ACTN4: variants seen among roughly 807,000 people sequenced by gnomAD.
The protein encoded by ACTN4 is alpha-actinin-4.
A neutral mutation model predicts 114.2 loss-of-function variants in ACTN4; 18 were observed. The ratio of observed to expected loss-of-function variants is 0.16; its 90% confidence interval spans 0.11 to 0.23. The LOEUF (loss-of-function observed/expected upper bound fraction) is 0.23. ACTN4 is among the 10% of genes least tolerant of loss of function. The probability of loss-of-function intolerance (pLI) is 1.00; values close to 1 mark genes in which losing one functional copy is unlikely to be tolerated. For missense variants in ACTN4, 722 were observed against 1,262.9 expected, an observed-to-expected ratio of 0.57 and a Z score of 6.49; for synonymous variants, 515 against 506.3, an observed-to-expected ratio of 1.02 and a Z score of -0.23.
At chr19:38,649,126 G>A (rs905202403) in intron 1 of ACTN4, among the ~76,000 whole-genome samples, 5 of 145,884 alleles carry the variant, frequency 3.4e-5, no homozygotes, top group African/African-American at 1.3e-4. Flanking sequence ...AGAGACCGGA[G>A]GTAGGTGAAG....
Position 38,705,613 on chromosome 19 carries a change from C to T in ACTN4, c.485-431C>T, listed in dbSNP as rs12608529. ...GGACAGCCGAGCTATCCACGGGGAA[C>T]AGAAGGGCCCCCTAGGCCTCTCTAC... is the stretch of plus-strand genomic sequence containing the variant. On this transcript the variant is annotated intron_variant, in intron 4 of 20. Coordinates refer to ENST00000252699, the MANE Select transcript of ACTN4 (RefSeq NM_004924.6). 3.5e-3 allele frequency among the ~76,000 whole-genome samples: 532 copies of T among 152,326 alleles called. 22 individuals are homozygous for T. The East Asian group carries it at 0.095, about 27-fold the overall frequency.
intron 1 of ACTN4, among the ~76,000 whole-genome samples, chr19:38,687,740 T>C (rs1035132797): frequency 5.3e-5 from 8 of 152,224 alleles, no homozygotes; most frequent in African/African-American, 1.9e-4. Flanking sequence ...TTATTAGATA[T>C]GACAGCAGAA....
At chr19:38,718,370 A>G (rs976534099) in intron 11 of ACTN4, 2 of 471,516 alleles carry the variant, frequency 4.2e-6, no homozygotes, top group Non-Finnish European at 7.9e-6. Flanking sequence ...ATACAAAAAA[A>G]TTTTAGAATA....
At chr19:38,722,877 TG>T (rs1461563541) in intron 12 of ACTN4, among the ~76,000 whole-genome samples, 3 of 152,178 alleles carry the variant, frequency 2.0e-5, no homozygotes, top group Non-Finnish European at 4.4e-5. Context: ...AGCAGCTCTC[TG>T]GACGGTAGCC....
At position 38,731,000 on chromosome 19, in the gene ACTN4, C is replaced by T; in HGVS notation, c.*1568C>T. The T allele has an allele frequency of 3.9e-6, 6 of 1,552,092 alleles. No homozygotes were observed. Among genetic ancestry groups the T allele is most frequent in the Non-Finnish European group, 5.2e-6 (6 of 1,147,846 alleles). The stretch of plus-strand genomic sequence containing the variant: ...GTCAGGCAGATGACCCCCTCACCCC[C>T]ATCCAGGTGCTGGCTGCAGTGGCCT... On this transcript the variant is annotated 3_prime_UTR_variant, in exon 21 of 21. Transcript: ENST00000252699.
At chr19:38,712,299 G>A (rs1431769127) in intron 8 of ACTN4, among the ~76,000 whole-genome samples, 1 of 152,156 alleles carries the variant, frequency 6.6e-6, no homozygotes, top group Non-Finnish European at 1.5e-5. Context: ...CAACTAGCAG[G>A]TGCATTACCT....
intron 1 of ACTN4, among the ~76,000 whole-genome samples, chr19:38,693,983 T>G (rs566374680): frequency 3.9e-5 from 6 of 152,304 alleles, no homozygotes; most frequent in African/African-American, 1.4e-4. Flanking sequence ...CAGAGAAGCC[T>G]CTTTAATAGG....
At chr19:38,689,059 T>G (rs760640130) in intron 1 of ACTN4, among the ~76,000 whole-genome samples, 5 of 152,192 alleles carry the variant, frequency 3.3e-5, no homozygotes, top group Non-Finnish European at 5.9e-5. Context: ...AGGTATCATA[T>G]GACTCAGCAA....
chr19:38,706,188 C>G, intron 5 of ACTN4, 57 bp downstream of exon 5: 1 of 1,542,518 alleles, frequency 6.5e-7, no homozygotes. Context: ...GATCCTTCCT[C>G]CCACCTGCCC....
chr19:38,721,435 G>A, intron 11 of ACTN4, 103 bp from the exon 12 acceptor site: 1 of 1,355,736 alleles, frequency 7.4e-7, no homozygotes, highest in Non-Finnish European at 1.0e-6. Flanking sequence ...GAAGGATGTG[G>A]GGTCCACAGT....
At chr19:38,699,149 C>T (rs529030916) in intron 1 of ACTN4, among the ~76,000 whole-genome samples, 1 of 152,302 alleles carries the variant, frequency 6.6e-6, no homozygotes, top group African/African-American at 2.4e-5. Context: ...CTGAAGGCGC[C>T]TGGGCGTGTT....
intron 1 of ACTN4, among the ~76,000 whole-genome samples, chr19:38,679,833 A>G (rs10406778): frequency 0.37 from 56,393 of 151,710 alleles, 11,884 homozygotes; most frequent in Non-Finnish European, 0.47. Context: ...ATACTGTTAT[A>G]TTTAATGCTT....
rs770909923 is a variant in ACTN4 at position 38,717,556 on chromosome 19, C to T, written c.1143+240C>T. ...TTATACGCATCCCAAATCCTTGCCA[C>T]GGGTTGTGTGGGTGTGGAGTGGTGT... On this transcript the variant is annotated intron_variant, in intron 10 of 20. Transcript: ENST00000252699. This position sits in a 1 kb window ranked among gnomAD's most constrained non-coding sequence, Gnocchi z 4.0. 1.3e-5 allele frequency among the ~76,000 whole-genome samples: 2 copies of T among 152,028 alleles called. No homozygotes were observed. The highest frequency in any genetic ancestry group is 4.8e-5 in the African/African-American group (2 of 41,386).
chr19:38,692,286 C>T lies in ACTN4; in HGVS notation c.163-8314C>T, dbSNP rs558187948. Among the ~76,000 whole-genome samples, 7 of 152,372 alleles carry T rather than the reference C, an allele frequency of 4.6e-5. No individual in the cohort carries two copies. The South Asian group carries it at 8.3e-4, about 18-fold the overall frequency. Reference sequence around the variant, plus strand: ...GGGTTGGGTCCTGGACAGGCTGCCCCGTGTGTCGCTGAACTGCCGCAGTGC... The same window carrying T: ...GGGTTGGGTCCTGGACAGGCTGCCCTGTGTGTCGCTGAACTGCCGCAGTGC... On this transcript the variant is annotated intron_variant, in intron 1 of 20. Transcript: ENST00000252699.
At position 38,662,561 on chromosome 19, in the gene ACTN4, G is replaced by A. The variant is rs183127558; in HGVS notation, c.162+14654G>A. ...TTTTAAGTAGCTGTATAGGAGGGGA[G>A]ATAAGTGTGTGTGTGTTTATTCTTA... On this transcript the variant is annotated intron_variant, in intron 1 of 20. Transcript: ENST00000252699. Among the ~76,000 whole-genome samples, 65 of 152,308 alleles carry A rather than the reference G, an allele frequency of 4.3e-4. 1 individual carries two copies. Among genetic ancestry groups the A allele is most frequent in the Admixed American group, 1.4e-3 (22 of 15,288 alleles).
chr19:38,649,922 G>A (rs537060993), intron 1 of ACTN4, among the ~76,000 whole-genome samples: 3 of 152,182 alleles, frequency 2.0e-5, no homozygotes, highest in Non-Finnish European at 4.4e-5. Flanking sequence ...GGTGGGAGGG[G>A]TGTCCTTATC....
At chr19:38,690,016 A>G (rs1967871489) in intron 1 of ACTN4, among the ~76,000 whole-genome samples, 2 of 152,198 alleles carry the variant, frequency 1.3e-5, no homozygotes, top group Admixed American at 6.5e-5. Flanking sequence ...GGCAGTAAAG[A>G]GGGCTCATTA....
chr19:38,673,639 A>T (rs866857710), intron 1 of ACTN4, among the ~76,000 whole-genome samples: 2 of 50,518 alleles, frequency 4.0e-5, no homozygotes, highest in East Asian at 6.7e-4. Context: ...ATATATATTT[A>T]TATATATTTA....
chr19:38,663,600 C>T (rs1976957418), intron 1 of ACTN4, among the ~76,000 whole-genome samples: 1 of 152,172 alleles, frequency 6.6e-6, no homozygotes, highest in African/African-American at 2.4e-5. Flanking sequence ...GCCCCCGCTG[C>T]GGGCAGGTTG....
Sources: gnomAD v4.1 joint callset for allele counts (sites outside exome capture counted in the v4.1 genomes callset) on GRCh38, gnomAD v4.1.1 for gene constraint, Gnocchi (gnomAD v3.1) non-coding constraint, MANE v1.5 for transcripts, NCBI Gene and HGNC (gene_info 2026-07-23, HGNC 2026-07-21) for gene names.